Variants in ARID2 observed in about 807,000 individuals in gnomAD.
ARID2 encodes AT-rich interactive domain-containing protein 2.
Under a neutral mutation model 184.6 loss-of-function variants are expected in ARID2, and 32 were observed. That is an observed-to-expected ratio of 0.17 (90% CI 0.13 to 0.23). The LOEUF (loss-of-function observed/expected upper bound fraction) is 0.23. Among genes scored for constraint, ARID2 ranks in the 10% least tolerant of loss-of-function variants. ARID2 has a pLI of 1.00. For synonymous variants in ARID2, 836 were observed against 772.6 expected (o/e 1.08, Z -1.36); for missense variants, 1,696 against 2,197.6 (o/e 0.77, Z 4.56).
intron 6 of ARID2, among the ~76,000 whole-genome samples, chr12:45,825,344 C>T (rs1218605599): frequency 2.0e-5 from 3 of 152,196 alleles, no homozygotes; most frequent in African/African-American, 7.2e-5. Context: ...TAAAATATCA[C>T]AGGTACCCCA....
chr12:45,864,650 G>A (rs1371688770), intron 16 of ARID2, among the ~76,000 whole-genome samples: 1 of 152,116 alleles, frequency 6.6e-6, no homozygotes, highest in African/African-American at 2.4e-5. Flanking sequence ...ATTTGATCAA[G>A]TTCTGGTTTC....
In ARID2 at chr12:45,730,111, G is replaced by A. The variant is rs1265019728; in HGVS notation, c.160G>A (p.Val54Ile). The A allele has an allele frequency of 1.9e-6, 3 of 1,613,628 alleles. No homozygotes were observed. The highest frequency in any genetic ancestry group is 1.7e-5 in the Admixed American group (1 of 59,992). Residue 54 changes from valine to isoleucine, a missense_variant, in exon 2 of 21, where the codon GTC (valine) becomes ATC (isoleucine). Val to Ile is a conservative substitution (Grantham distance 29, BLOSUM62 3). Coordinates refer to ENST00000334344, the MANE Select transcript of ARID2 (RefSeq NM_152641.4). ...ELDLHGLYTR[V>I]TTLGGFAKVS... ...GGATCTTCACGGTCTCTACACCAGAGTCACTACTTTAGGCGGATTCGCGAA... is the reference window on the plus strand; with the variant it reads ...GGATCTTCACGGTCTCTACACCAGAATCACTACTTTAGGCGGATTCGCGAA...
intron 16 of ARID2, chr12:45,882,183 T>G (rs1026861030): frequency 2.0e-5 from 3 of 152,666 alleles, no homozygotes; most frequent in African/African-American, 7.2e-5. Context: ...AAATTGAGAT[T>G]AAGTCTCCAG....
At chr12:45,867,694 G>A (rs1943852660) in intron 16 of ARID2, among the ~76,000 whole-genome samples, 1 of 149,738 alleles carries the variant, frequency 6.7e-6, no homozygotes, top group South Asian at 2.1e-4. Flanking sequence ...AGTGAGCCCA[G>A]ATCGCGCCAC....
intron 16 of ARID2, among the ~76,000 whole-genome samples, chr12:45,889,990 A>G (rs996947311): frequency 2.6e-5 from 4 of 152,222 alleles, no homozygotes; most frequent in Non-Finnish European, 4.4e-5. Flanking sequence ...ACCCTTAACT[A>G]CTTTTCACCT....
chr12:45,760,856 A>C (rs928039271), intron 3 of ARID2, among the ~76,000 whole-genome samples: 3 of 150,882 alleles, frequency 2.0e-5, no homozygotes, highest in African/African-American at 4.9e-5. Flanking sequence ...TTAATTTTTA[A>C]ATTTAATTTT....
intron 20 of ARID2, among the ~76,000 whole-genome samples, chr12:45,898,062 T>G (rs1944393596): frequency 6.6e-6 from 1 of 152,020 alleles, no homozygotes; most frequent in Non-Finnish European, 1.5e-5. Flanking sequence ...CCCCTCAAAG[T>G]GCTAGGATTA....
chr12:45,809,980 C>T (rs920368993), intron 3 of ARID2, among the ~76,000 whole-genome samples: 3 of 152,186 alleles, frequency 2.0e-5, no homozygotes, highest in African/African-American at 7.2e-5. Flanking sequence ...ACCTCCCTTA[C>T]CTCAGCTGTC....
chr12:45,739,970 A>G (rs912953090), intron 3 of ARID2, among the ~76,000 whole-genome samples: 1 of 152,224 alleles, frequency 6.6e-6, no homozygotes, highest in African/African-American at 2.4e-5. Context: ...GATTAAGTGA[A>G]TTTGCAATAC....
At chr12:45,792,068 A>G (rs1172880214) in intron 3 of ARID2, among the ~76,000 whole-genome samples, 4 of 152,064 alleles carry the variant, frequency 2.6e-5, no homozygotes, top group Non-Finnish European at 5.9e-5. Context: ...TTAATTTTCT[A>G]TTTCATTGAT....
At chr12:45,858,856 GT>G (rs1422097033) in intron 15 of ARID2, among the ~76,000 whole-genome samples, 1 of 152,100 alleles carries the variant, frequency 6.6e-6, no homozygotes, top group African/African-American at 2.4e-5. Context: ...GCATGTGTAT[GT>G]TTTCTTATTG....
chr12:45,813,952 A>G (rs1255561323), intron 4 of ARID2, among the ~76,000 whole-genome samples: 1 of 151,932 alleles, frequency 6.6e-6, no homozygotes, highest in Admixed American at 6.6e-5. Flanking sequence ...TTTCCTTGGT[A>G]TTGATTGGAT....
intron 20 of ARID2, among the ~76,000 whole-genome samples, chr12:45,897,251 A>T (rs1179428850): frequency 6.6e-6 from 1 of 152,250 alleles, no homozygotes; most frequent in Non-Finnish European, 1.5e-5. Context: ...GAAGTTGGAC[A>T]CTTACCCTGT....
chr12:45,772,067 A>G (rs1418894860), intron 3 of ARID2, among the ~76,000 whole-genome samples: 4 of 152,190 alleles, frequency 2.6e-5, no homozygotes, highest in South Asian at 4.1e-4. Flanking sequence ...ATAAATCTGA[A>G]GCTGGATCTG....
At position 45,852,469 on chromosome 12, in the gene ARID2, A is replaced by G. The variant is rs1258469634; in HGVS notation, c.4346A>G (p.Asn1449Ser). 1.9e-6 allele frequency: 3 copies of G among 1,614,044 alleles called. No homozygotes were observed. Among genetic ancestry groups the G allele is most frequent in the Non-Finnish European group, 2.5e-6 (3 of 1,180,016 alleles). Residue 1449 changes from asparagine to serine, a missense_variant, in exon 15 of 21, where the codon AAT (asparagine) becomes AGT (serine). Physicochemically the swap from Asn to Ser is conservative, Grantham distance 46. Transcript: ENST00000334344. Reference protein sequence around the residue: ...TQQFSGTDLLNGPLASSLNSD... With the variant: ...TQQFSGTDLLSGPLASSLNSD... Reference sequence around the variant, plus strand: ...CAATTTAGTGGTACTGATTTGCTTAATGGACCTCTAGCTTCAAGTTTGAAT... The same window carrying G: ...CAATTTAGTGGTACTGATTTGCTTAGTGGACCTCTAGCTTCAAGTTTGAAT...
intron 20 of ARID2, among the ~76,000 whole-genome samples, chr12:45,899,089 T>C (rs573694548): frequency 6.8e-6 from 1 of 146,512 alleles, no homozygotes; most frequent in Non-Finnish European, 1.5e-5. Flanking sequence ...CTGGCCAACA[T>C]GGTGAAACCC....
chr12:45,771,215 G>A (rs1035657814), intron 3 of ARID2, among the ~76,000 whole-genome samples: 8 of 152,044 alleles, frequency 5.3e-5, no homozygotes, highest in African/African-American at 1.4e-4. Flanking sequence ...AAAATTACCC[G>A]GGCGTGGTGG....
intron 7 of ARID2, 23 bp from the exon 8 acceptor site, chr12:45,836,718 G>A (rs2138126188): frequency 6.2e-7 from 1 of 1,600,180 alleles, no homozygotes; most frequent in Non-Finnish European, 8.5e-7. Flanking sequence ...AATATTAAGT[G>A]AAATATGTAT....
At chr12:45,803,908 G>C (rs1052590443) in intron 3 of ARID2, among the ~76,000 whole-genome samples, 21 of 152,118 alleles carry the variant, frequency 1.4e-4, no homozygotes, top group Non-Finnish European at 2.9e-4. Context: ...ATGAGTAAAG[G>C]TTCCACTTGT....
Sources: allele counts gnomAD v4.1 joint callset (sites outside exome capture counted in the v4.1 genomes callset), GRCh38; gene constraint gnomAD v4.1.1; transcripts MANE v1.5; gene names NCBI Gene and HGNC (gene_info 2026-07-23, HGNC 2026-07-21).